TNFRSF11A: variants seen among roughly 807,000 people sequenced by gnomAD.
TNFRSF11A encodes the protein TNF receptor superfamily member 11a.
A neutral mutation model predicts 55.7 loss-of-function variants in TNFRSF11A; 32 were observed. The observed-to-expected ratio is 0.57, with a 90% CI of 0.43 to 0.77. TNFRSF11A has a LOEUF of 0.77. Among genes scored for constraint, TNFRSF11A ranks in the 30% least tolerant of loss-of-function variants. The pLI, the probability that TNFRSF11A is intolerant of heterozygous loss-of-function variation, is 0.00. For synonymous variants in TNFRSF11A, 311 were observed against 331.0 expected (o/e 0.94, Z 0.65); for missense variants, 753 against 809.8 (o/e 0.93, Z 0.85).
At chr18:62,343,058 A>T (rs185443150) in intron 1 of TNFRSF11A, among the ~76,000 whole-genome samples, 46 of 152,202 alleles carry the variant, frequency 3.0e-4, no homozygotes, top group Middle Eastern at 3.4e-3. Context: ...CTTTAAAGAT[A>T]TTTTTTTCCA....
rs1911706976 is a variant in TNFRSF11A, at chr18:62,385,973, A to C, written c.*939A>C. ...AAATGTTCTATATTCTCATTTTTCT[A>C]AAAGAAAGAAAAAAGGAAACCCGAT... On this transcript the variant is annotated 3_prime_UTR_variant, in exon 10 of 10. Transcript: ENST00000586569. 1 of 152,202 alleles carries C rather than the reference A, an allele frequency of 6.6e-6. No homozygotes were observed. Among genetic ancestry groups the C allele is most frequent in the South Asian group, 2.1e-4 (1 of 4,830 alleles). The allele number at this position is 152,202 out of a possible 1,614,324, so 9.4% of individuals were successfully genotyped here. A position where few individuals can be genotyped will look rare whatever the true frequency, so the allele number is the denominator to read the frequency against.
At chr18:62,353,369 T>G (rs574921518) in intron 3 of TNFRSF11A, among the ~76,000 whole-genome samples, 1 of 152,336 alleles carries the variant, frequency 6.6e-6, no homozygotes, top group East Asian at 1.9e-4. Context: ...CACCACAGTT[T>G]TCTTGCACTT....
At chr18:62,338,463 T>G (rs2046265550) in intron 1 of TNFRSF11A, among the ~76,000 whole-genome samples, 1 of 152,238 alleles carries the variant, frequency 6.6e-6, no homozygotes, top group Non-Finnish European at 1.5e-5. Flanking sequence ...GGTCTATACA[T>G]GTGGTGGAAT....
At chr18:62,350,282 A>G (rs963653920) in intron 3 of TNFRSF11A, among the ~76,000 whole-genome samples, 1 of 151,690 alleles carries the variant, frequency 6.6e-6, no homozygotes, top group Middle Eastern at 3.2e-3. Flanking sequence ...TTATTTGTTT[A>G]TTTATTTATT....
At chr18:62,362,619 C>A (rs1355026245) in intron 7 of TNFRSF11A, among the ~76,000 whole-genome samples, 1 of 151,696 alleles carries the variant, frequency 6.6e-6, no homozygotes, top group South Asian at 2.1e-4. Context: ...TTTTCCCACA[C>A]AAATTTGTTA....
chr18:62,334,919 C>G (rs1008109056), intron 1 of TNFRSF11A, among the ~76,000 whole-genome samples: 1 of 152,082 alleles, frequency 6.6e-6, no homozygotes, highest in Non-Finnish European at 1.5e-5. Context: ...CAGCAGATCC[C>G]CAAAACCTAT....
intron 3 of TNFRSF11A, 53 bp from the exon 4 acceptor site, chr18:62,354,338 G>T: frequency 2.7e-6 from 4 of 1,509,078 alleles, no homozygotes; most frequent in Non-Finnish European, 3.5e-6. Context: ...TGGGCGGTGT[G>T]TTTGGGCTGC....
rs1911448787 is a variant in TNFRSF11A at position 62,383,631 on chromosome 18, A to T, written c.1568-1120A>T. Among the ~76,000 whole-genome samples the T allele has an allele frequency of 6.6e-6, 1 of 152,012 alleles. No homozygotes were observed. Among genetic ancestry groups the T allele is most frequent in the African/African-American group, 2.4e-5 (1 of 41,366 alleles). ...AAAGTCTAGGAAATTTCTGTCTTTAAAATGGAAGAATCGTAAGAGCTAGCA... is the reference window on the plus strand; with the variant it reads ...AAAGTCTAGGAAATTTCTGTCTTTATAATGGAAGAATCGTAAGAGCTAGCA... On this transcript the variant is annotated intron_variant, in intron 9 of 9. Transcript: ENST00000586569. The surrounding 1 kb of genome is among the most constrained non-coding windows in gnomAD (Gnocchi z 4.2).
At position 62,369,381 on chromosome 18, in the gene TNFRSF11A, G is replaced by A. The variant is rs1452930749; in HGVS notation, c.1464G>A (p.Glu488=). 1 of 1,611,718 alleles carries A rather than the reference G, an allele frequency of 6.2e-7. No homozygotes were observed. The highest frequency in any genetic ancestry group is 2.2e-5 in the East Asian group (1 of 44,876). The change falls in exon 9 of 10, where the codon GAG becomes GAA. Residue 488 remains glutamate, a synonymous_variant. Transcript: ENST00000586569. The stretch of plus-strand genomic sequence containing the variant: ...CTGAAGAAGAAGCCAGCAGGACGGA[G>A]GCCAGAGACCAGCCCGAGGATGGGG... The part of the protein sequence containing the change: ...LPPEEEASRT[E]ARDQPEDGAD...
intron 4 of TNFRSF11A, among the ~76,000 whole-genome samples, chr18:62,356,871 G>A (rs1286513832): frequency 6.6e-6 from 1 of 152,194 alleles, no homozygotes; most frequent in African/African-American, 2.4e-5. Context: ...GATGCTTCTG[G>A]CAGGTCAGTG....
chr18:62,359,509 A>G (rs375547148), intron 5 of TNFRSF11A, among the ~76,000 whole-genome samples: 5 of 151,982 alleles, frequency 3.3e-5, no homozygotes, highest in African/African-American at 1.2e-4. Context: ...CCTCCACAGT[A>G]GCTGAGACCA....
chr18:62,381,238 T>C (rs1181535925), intron 9 of TNFRSF11A, among the ~76,000 whole-genome samples: 1 of 152,130 alleles, frequency 6.6e-6, no homozygotes, highest in Non-Finnish European at 1.5e-5. Context: ...TATAGAATAT[T>C]TAGGTTATCA....
chr18:62,384,193 A>G (rs1239269058), intron 9 of TNFRSF11A, among the ~76,000 whole-genome samples: 1 of 152,118 alleles, frequency 6.6e-6, no homozygotes, highest in African/African-American at 2.4e-5. Context: ...AGCAAATGGT[A>G]AAGCATGAGT....
chr18:62,351,447 A>T lies in TNFRSF11A; in HGVS notation c.283+1510A>T, dbSNP rs1248128114. 4.6e-5 allele frequency among the ~76,000 whole-genome samples: 7 copies of T among 152,340 alleles called. No homozygotes were observed. In the East Asian group the frequency reaches 1.3e-3, roughly 29 times the overall value. On this transcript the variant is annotated intron_variant, in intron 3 of 9. Transcript: ENST00000586569. ...TATAGTTCATACATAGAATATTAGA[A>T]CCATGTAATAGCTGAGCATTCCTCT... is the stretch of plus-strand genomic sequence containing the variant.
At chr18:62,349,227 A>G (rs1385184298) in intron 2 of TNFRSF11A, among the ~76,000 whole-genome samples, 1 of 143,784 alleles carries the variant, frequency 7.0e-6, no homozygotes, top group Non-Finnish European at 1.5e-5. Context: ...CCCAGGCTGG[A>G]GTGCAGTGGC....
rs1684344608 is a variant in TNFRSF11A, at chr18:62,390,285, A to G, written c.*5251A>G. On this transcript the variant is annotated 3_prime_UTR_variant, in exon 10 of 10. Coordinates refer to ENST00000586569, the MANE Select transcript of TNFRSF11A (RefSeq NM_003839.4). Reference sequence around the variant, plus strand: ...CCAAAAGTTGTCATCTTCTGACATGACACACTGAGGGAAGTAGACTTACCC... The same window carrying G: ...CCAAAAGTTGTCATCTTCTGACATGGCACACTGAGGGAAGTAGACTTACCC... 6.6e-6 allele frequency: 1 copy of G among 152,228 alleles called. No individual in the cohort carries two copies. Among genetic ancestry groups the G allele is most frequent in the African/African-American group, 2.4e-5 (1 of 41,444 alleles). 9.4% of individuals were successfully genotyped at this position (152,228 alleles called of 1,614,324 possible).
chr18:62,373,192 TCACGCCTATAATCC>T (rs1910670623), intron 9 of TNFRSF11A, among the ~76,000 whole-genome samples: 1 of 152,244 alleles, frequency 6.6e-6, no homozygotes, highest in Non-Finnish European at 1.5e-5. Context: ...GTGCAGTGGC[TCACGCCTATAATCC>T]CAGCACTTTG....
chr18:62,357,592 C>T (rs1178121009), intron 4 of TNFRSF11A, among the ~76,000 whole-genome samples: 1 of 152,202 alleles, frequency 6.6e-6, no homozygotes, highest in Admixed American at 6.5e-5. Context: ...AGACCATAGG[C>T]CTGCAAAGCC....
chr18:62,342,572 C>A (rs888103669), intron 1 of TNFRSF11A, among the ~76,000 whole-genome samples: 6 of 152,030 alleles, frequency 3.9e-5, no homozygotes, highest in Non-Finnish European at 8.8e-5. Context: ...CATGGTGGGA[C>A]GTTTTCCTCA....
Sources: gnomAD v4.1 joint callset for allele counts (sites outside exome capture counted in the v4.1 genomes callset) on GRCh38, gnomAD v4.1.1 for gene constraint, Gnocchi (gnomAD v3.1) non-coding constraint, MANE v1.5 for transcripts, NCBI Gene and HGNC (gene_info 2026-07-23, HGNC 2026-07-21) for gene names.